Variants in MAGI2 observed in about 807,000 individuals in gnomAD.
MAGI2 encodes membrane associated guanylate kinase, WW and PDZ domain containing 2.
In MAGI2, 35 loss-of-function variants were observed where a neutral mutation model predicts 133.3. The observed-to-expected ratio is 0.26, with a 90% CI of 0.20 to 0.35. MAGI2 has a LOEUF of 0.35. Ranked by LOEUF, MAGI2 falls within the 10% of genes least tolerant of loss-of-function variation. The pLI is 1.00. For missense variants in MAGI2, 1,636 were observed against 1,863.4 expected, an observed-to-expected ratio of 0.88 and a Z score of 2.25; for synonymous variants, 729 against 710.6, an observed-to-expected ratio of 1.03 and a Z score of -0.41.
At chr7:78,652,785 G>T (rs1037213643) in intron 2 of MAGI2, among the ~76,000 whole-genome samples, 1 of 152,076 alleles carries the variant, frequency 6.6e-6, no homozygotes, top group Admixed American at 6.5e-5. Context: ...TTGACAAATG[G>T]GTTCTAATTA....
At chr7:79,181,530 A>G (rs546943766) in intron 1 of MAGI2, among the ~76,000 whole-genome samples, 3 of 151,904 alleles carry the variant, frequency 2.0e-5, no homozygotes, top group East Asian at 2.0e-4. Flanking sequence ...CCGGCCCACA[A>G]AACTATTTTT....
rs1046607945 is a variant in MAGI2, at chr7:78,769,337, G to T, written c.419-142098C>A. Among the ~76,000 whole-genome samples, 10 of 151,782 alleles carry T rather than the reference G, an allele frequency of 6.6e-5. No individual in the cohort carries two copies. In the East Asian group the frequency reaches 1.7e-3, roughly 26 times the overall value. On this transcript the variant is annotated intron_variant, in intron 2 of 21. Transcript: ENST00000354212. The stretch of plus-strand genomic sequence containing the variant: ...ACACATGCATGGGTCTTTCCTTAAA[G>T]AAATTGTTTGATGAGCCCACTTAAC...
rs970716703 is a variant in MAGI2, at chr7:78,957,047, T to G, written c.418+50043A>C. Among the ~76,000 whole-genome samples the G allele has an allele frequency of 5.9e-5, 9 of 152,002 alleles. No homozygotes were observed. In the East Asian group the frequency reaches 1.7e-3, roughly 30 times the overall value. On this transcript the variant is annotated intron_variant, in intron 2 of 21. Transcript: ENST00000354212. ...GGGAGGCCGAGGTGGGTGGATCACC[T>G]GAGGTTAGGAGTTCGAGATCAGCCT...
chr7:78,644,425 A>T (rs1810630655), intron 2 of MAGI2, among the ~76,000 whole-genome samples: 1 of 152,174 alleles, frequency 6.6e-6, no homozygotes, highest in Admixed American at 6.5e-5. Context: ...AACAAGTTTC[A>T]ATGCCTTTAT....
chr7:78,488,455 T>G (rs532115861), intron 6 of MAGI2, among the ~76,000 whole-genome samples: 1 of 152,026 alleles, frequency 6.6e-6, no homozygotes, highest in Non-Finnish European at 1.5e-5. Context: ...TTAATTAGGA[T>G]ATATTAAGGT....
At chr7:79,183,231 T>C (rs1460562128) in intron 1 of MAGI2, among the ~76,000 whole-genome samples, 1 of 151,890 alleles carries the variant, frequency 6.6e-6, no homozygotes, top group Non-Finnish European at 1.5e-5. Context: ...AAATAATAAA[T>C]ACTTAGGTGA....
intron 9 of MAGI2, among the ~76,000 whole-genome samples, chr7:78,313,924 G>C (rs906530319): frequency 2.6e-5 from 4 of 152,092 alleles, no homozygotes; most frequent in African/African-American, 9.7e-5. Flanking sequence ...TTAAAGTTAT[G>C]GGTGCCCTGG....
intron 1 of MAGI2, among the ~76,000 whole-genome samples, chr7:79,025,598 A>G (rs756066578): frequency 6.6e-6 from 1 of 152,138 alleles, no homozygotes; most frequent in Non-Finnish European, 1.5e-5. Context: ...AATAAGGAGT[A>G]AAATAGCTAT....
rs1787923040 is a variant in MAGI2 at position 78,213,020 on chromosome 7, C to G, written c.2048-11827G>C. On this transcript the variant is annotated intron_variant, in intron 10 of 21. Coordinates refer to ENST00000354212, the MANE Select transcript of MAGI2 (RefSeq NM_012301.4). ...TGATATTTAGTGATGGAAGGAGAAG[C>G]CTGGATCTGCTCAATTTTTATTGGT... Among the ~76,000 whole-genome samples the G allele has an allele frequency of 4.6e-5, 7 of 152,204 alleles. No individual in the cohort carries two copies. The South Asian group carries it at 1.4e-3, about 32-fold the overall frequency.
At chr7:78,991,113 G>T (rs547816174) in intron 2 of MAGI2, among the ~76,000 whole-genome samples, 2 of 151,886 alleles carry the variant, frequency 1.3e-5, no homozygotes, top group African/African-American at 2.4e-5. Context: ...TAAAAGTGTG[G>T]TACTTCCTTT....
At chr7:78,723,559 T>C (rs12531353) in intron 2 of MAGI2, among the ~76,000 whole-genome samples, 1 of 152,032 alleles carries the variant, frequency 6.6e-6, no homozygotes, top group African/African-American at 2.4e-5. Flanking sequence ...AATTAGGGTA[T>C]GTAGAGATAG....
At chr7:78,106,096 T>TAAGTAATA (rs1583925004) in intron 20 of MAGI2, among the ~76,000 whole-genome samples, 2 of 152,174 alleles carry the variant, frequency 1.3e-5, no homozygotes, top group Admixed American at 1.3e-4. Context: ...CTCCTACATA[T>TAAGTAATA]AAGTAATAAC....
chr7:78,351,286 T>G (rs1286003544), intron 7 of MAGI2, among the ~76,000 whole-genome samples: 1 of 151,980 alleles, frequency 6.6e-6, no homozygotes, highest in Non-Finnish European at 1.5e-5. Context: ...GTGGGCAGAT[T>G]GCCTGAGCAT....
At chr7:78,297,274 A>G (rs1210508881) in intron 9 of MAGI2, among the ~76,000 whole-genome samples, 1 of 152,054 alleles carries the variant, frequency 6.6e-6, no homozygotes, top group Non-Finnish European at 1.5e-5. Flanking sequence ...CAAAACCACA[A>G]TGAGATACCA....
chr7:78,457,535 T>A (rs1273189907), intron 6 of MAGI2, among the ~76,000 whole-genome samples: 2 of 152,172 alleles, frequency 1.3e-5, no homozygotes, highest in Non-Finnish European at 1.5e-5. Context: ...TAATATAATA[T>A]ATCTTAAAAT....
intron 21 of MAGI2, among the ~76,000 whole-genome samples, chr7:78,027,175 A>G (rs1809009899): frequency 6.6e-6 from 1 of 152,168 alleles, no homozygotes; most frequent in African/African-American, 2.4e-5. Flanking sequence ...ATGAGGGCTC[A>G]TGTCTTCTTC....
chr7:78,408,030 A>G (rs1180049135), intron 6 of MAGI2, among the ~76,000 whole-genome samples: 1 of 152,054 alleles, frequency 6.6e-6, no homozygotes, highest in Non-Finnish European at 1.5e-5. Context: ...TCTGCCTTAA[A>G]ATGCAGACCA....
At chr7:79,052,116 G>C (rs754752213) in intron 1 of MAGI2, among the ~76,000 whole-genome samples, 8 of 152,160 alleles carry the variant, frequency 5.3e-5, no homozygotes, top group Non-Finnish European at 1.0e-4. Context: ...TTGTGGGAAA[G>C]TACAGAAGAC....
intron 6 of MAGI2, among the ~76,000 whole-genome samples, chr7:78,428,151 G>A (rs768039671): frequency 4.6e-5 from 7 of 152,152 alleles, no homozygotes; most frequent in East Asian, 3.8e-4. Context: ...TACTTCAGGC[G>A]AGGACAGAAA....
Sources: gnomAD v4.1 joint callset for allele counts (sites outside exome capture counted in the v4.1 genomes callset) on GRCh38, gnomAD v4.1.1 for gene constraint, MANE v1.5 for transcripts, NCBI Gene and HGNC (gene_info 2026-07-23, HGNC 2026-07-21) for gene names.